Variants in ANO4 observed in about 807,000 individuals in gnomAD.
The protein encoded by ANO4 is anoctamin 4.
A neutral mutation model predicts 141.9 loss-of-function variants in ANO4; 69 were observed. That is an observed-to-expected ratio of 0.49 (90% CI 0.40 to 0.59). ANO4 has a LOEUF of 0.59. ANO4 is among the 20% of genes least tolerant of loss of function. The pLI, the probability that ANO4 is intolerant of heterozygous loss-of-function variation, is 0.00. For missense variants in ANO4, 894 were observed against 1,162.2 expected, an observed-to-expected ratio of 0.77 and a Z score of 3.36; for synonymous variants, 350 against 394.3, an observed-to-expected ratio of 0.89 and a Z score of 1.33.
chr12:100,893,406 T>A (rs1565979418), intron 1 of ANO4, among the ~76,000 whole-genome samples: 1 of 152,016 alleles, frequency 6.6e-6, no homozygotes, highest in Non-Finnish European at 1.5e-5. Context: ...ATTTGTCTTT[T>A]TGTTCAGAGT....
chr12:100,724,226 G>T (rs1470988298), intron 1 of ANO4, among the ~76,000 whole-genome samples: 3 of 152,224 alleles, frequency 2.0e-5, no homozygotes, highest in African/African-American at 7.2e-5. Context: ...GCTGCTAGAA[G>T]TGGAATCAAA....
chr12:101,086,055 G>A (rs1161615380), intron 16 of ANO4, among the ~76,000 whole-genome samples: 1 of 149,028 alleles, frequency 6.7e-6, no homozygotes, highest in African/African-American at 2.5e-5. Flanking sequence ...GAGAAGTGAG[G>A]AAGGATGAGT....
intron 1 of ANO4, among the ~76,000 whole-genome samples, chr12:100,817,507 AT>A (rs1469551084): frequency 3.9e-5 from 6 of 151,986 alleles, no homozygotes; most frequent in Admixed American, 1.3e-4. Context: ...ATCTAAAAAA[AT>A]AATATATGTA....
intron 1 of ANO4, among the ~76,000 whole-genome samples, chr12:100,823,455 C>A (rs777646744): frequency 3.9e-5 from 6 of 151,968 alleles, no homozygotes; most frequent in Non-Finnish European, 7.4e-5. Flanking sequence ...CTTTTTCATA[C>A]CTTTCATTTT....
intron 6 of ANO4, 91 bp from the exon 7 acceptor site, chr12:100,974,754 A>G (rs768174700): frequency 4.3e-6 from 6 of 1,379,428 alleles, no homozygotes; most frequent in Admixed American, 1.7e-5. Context: ...ACAGGCTTCT[A>G]TCTTCAATCT....
In ANO4 at chr12:100,773,898, A is replaced by C. The variant is rs7969710; in HGVS notation, c.358+33793A>C. Reference sequence around the variant, plus strand: ...ATGATCTAGAAAGGGTTGGAAAACTATTACCTGTGTGCTAAATATGGCCCA... The same window carrying C: ...ATGATCTAGAAAGGGTTGGAAAACTCTTACCTGTGTGCTAAATATGGCCCA... On this transcript the variant is annotated intron_variant, in intron 3 of 29. Coordinates refer to the ANO4 transcript ENST00000644049. Among the ~76,000 whole-genome samples, 567 of 152,298 alleles carry C rather than the reference A, an allele frequency of 3.7e-3. 4 individuals are homozygous for C. Among genetic ancestry groups the C allele is most frequent in the African/African-American group, 0.013 (542 of 41,562 alleles).
At chr12:100,767,427 G>A (rs1174703626) in intron 3 of ANO4, among the ~76,000 whole-genome samples, 2 of 151,908 alleles carry the variant, frequency 1.3e-5, no homozygotes, top group Non-Finnish European at 2.9e-5. Flanking sequence ...CTTCTCTTTG[G>A]CATATGCAAA....
intron 8 of ANO4, among the ~76,000 whole-genome samples, chr12:101,005,516 G>A (rs574723661): frequency 4.2e-4 from 64 of 152,262 alleles, no homozygotes; most frequent in Middle Eastern, 3.4e-3. Context: ...GCTCACTCAA[G>A]CTCTGGTTGG....
chr12:100,796,213 T>TAAC (rs1421304584), intron 1 of ANO4, among the ~76,000 whole-genome samples: 2 of 152,218 alleles, frequency 1.3e-5, no homozygotes, highest in African/African-American at 4.8e-5. Flanking sequence ...TAGAGAGGGT[T>TAAC]CTTGCCAAAT....
At chr12:101,121,439 T>A (rs1313520211) in intron 26 of ANO4, among the ~76,000 whole-genome samples, 2 of 152,224 alleles carry the variant, frequency 1.3e-5, no homozygotes, top group African/African-American at 4.8e-5. Context: ...CCACATAGTA[T>A]TCCATGGTGT....
intron 8 of ANO4, among the ~76,000 whole-genome samples, chr12:100,990,774 G>T (rs935371305): frequency 4.6e-5 from 7 of 152,162 alleles, no homozygotes; most frequent in Admixed American, 1.3e-4. Flanking sequence ...ACAAGAGAAT[G>T]CTTGATATGG....
At chr12:100,798,567 A>G (rs1445340204) in intron 1 of ANO4, among the ~76,000 whole-genome samples, 1 of 152,188 alleles carries the variant, frequency 6.6e-6, no homozygotes, top group Non-Finnish European at 1.5e-5. Flanking sequence ...TCTTTACTAG[A>G]TCAGTTTTGC....
intron 1 of ANO4, among the ~76,000 whole-genome samples, chr12:100,720,380 A>G (rs182101273): frequency 1.3e-5 from 2 of 152,174 alleles, no homozygotes; most frequent in East Asian, 1.9e-4. Context: ...ATTCCATTAC[A>G]TGGGGAAAGA....
intron 1 of ANO4, among the ~76,000 whole-genome samples, chr12:100,814,873 C>T (rs1035845490): frequency 2.0e-5 from 3 of 152,088 alleles, no homozygotes; most frequent in Non-Finnish European, 4.4e-5. Context: ...TGAGGTTCAC[C>T]TGAACCTGTG....
intron 3 of ANO4, among the ~76,000 whole-genome samples, chr12:100,757,650 T>TG (rs1448782290): frequency 6.6e-6 from 1 of 152,222 alleles, no homozygotes; most frequent in Non-Finnish European, 1.5e-5. Flanking sequence ...TGAGTCCACT[T>TG]GCTCCGTTAG....
intron 7 of ANO4, among the ~76,000 whole-genome samples, chr12:100,977,524 A>G (rs139315333): frequency 1.3e-5 from 2 of 152,236 alleles, no homozygotes; most frequent in African/African-American, 4.8e-5. Context: ...CATCTCTAAA[A>G]ATGTAAATAA....
intron 5 of ANO4, among the ~76,000 whole-genome samples, chr12:100,946,604 C>T (rs1462286646): frequency 2.0e-5 from 3 of 152,040 alleles, no homozygotes; most frequent in South Asian, 2.1e-4. Context: ...TACAGGGATG[C>T]GGAAAAGAGT....
At chr12:100,999,629 A>C (rs2045548072) in intron 8 of ANO4, among the ~76,000 whole-genome samples, 1 of 152,194 alleles carries the variant, frequency 6.6e-6, no homozygotes, top group African/African-American at 2.4e-5. Flanking sequence ...CCAATCCAAA[A>C]AGTGCCAAGG....
At chr12:100,881,059 G>C (rs1002847571) in intron 1 of ANO4, among the ~76,000 whole-genome samples, 9 of 146,152 alleles carry the variant, frequency 6.2e-5, no homozygotes, top group African/African-American at 2.2e-4. Flanking sequence ...AGTTTGCTGA[G>C]TATGATGGTT....
Sources: allele counts gnomAD v4.1 joint callset (sites outside exome capture counted in the v4.1 genomes callset), GRCh38; gene constraint gnomAD v4.1.1; transcripts MANE v1.5; gene names NCBI Gene and HGNC (gene_info 2026-07-23, HGNC 2026-07-21).